The following IMMP2L variants were observed in gnomAD, a reference collection of about 807,000 sequenced individuals.
IMMP2L encodes the protein mitochondrial inner membrane protease subunit 2.
IMMP2L carries 18 observed loss-of-function variants against 19.3 expected under a neutral mutation model. The observed-to-expected ratio is 0.93, with a 90% CI of 0.64 to 1.38. The LOEUF (loss-of-function observed/expected upper bound fraction) is 1.38, where lower values mean the gene tolerates loss of function less well. IMMP2L is among the 40% of genes most tolerant of loss of function. IMMP2L has a pLI of 0.00. For missense variants in IMMP2L, 233 were observed against 218.2 expected, an observed-to-expected ratio of 1.07 and a Z score of -0.43; for synonymous variants, 76 against 73.0, an observed-to-expected ratio of 1.04 and a Z score of -0.21.
intron 3 of IMMP2L, among the ~76,000 whole-genome samples, chr7:111,458,672 C>A (rs1344535731): frequency 6.6e-6 from 1 of 152,116 alleles, no homozygotes; most frequent in African/African-American, 2.4e-5. Context: ...ATCCCACCAG[C>A]ATCCCCCTTT....
At chr7:111,159,767 AG>A (rs1318799708) in intron 3 of IMMP2L, among the ~76,000 whole-genome samples, 4 of 152,078 alleles carry the variant, frequency 2.6e-5, no homozygotes, top group Non-Finnish European at 5.9e-5. Context: ...ACATTTAAAA[AG>A]GAAAAAAAGT....
chr7:110,746,911 A>C (rs1158022299), intron 5 of IMMP2L, among the ~76,000 whole-genome samples: 1 of 152,220 alleles, frequency 6.6e-6, no homozygotes, highest in Non-Finnish European at 1.5e-5. Context: ...TCAGTGCAGA[A>C]CTGAAGGAGA....
chr7:110,759,792 T>C (rs938508697), intron 5 of IMMP2L, among the ~76,000 whole-genome samples: 1 of 152,168 alleles, frequency 6.6e-6, no homozygotes, highest in Non-Finnish European at 1.5e-5. Context: ...ATAGCTTCAA[T>C]AATTTCAAAT....
intron 3 of IMMP2L, among the ~76,000 whole-genome samples, chr7:111,017,367 T>C (rs932897799): frequency 1.5e-4 from 23 of 152,036 alleles, no homozygotes; most frequent in Non-Finnish European, 1.3e-4. Flanking sequence ...CCCAGCCTTG[T>C]TATTTTTAAC....
chr7:110,825,393 A>G (rs905031566), intron 5 of IMMP2L, among the ~76,000 whole-genome samples: 18 of 152,212 alleles, frequency 1.2e-4, no homozygotes, highest in Non-Finnish European at 2.2e-4. Flanking sequence ...ATCCTAAGCC[A>G]AAACAACAGA....
chr7:110,825,265 G>A (rs1803371665), intron 5 of IMMP2L, among the ~76,000 whole-genome samples: 1 of 152,076 alleles, frequency 6.6e-6, no homozygotes, highest in African/African-American at 2.4e-5. Context: ...TACTGCCCAA[G>A]GTAATTTATA....
At chr7:111,371,528 A>G (rs558282550) in intron 3 of IMMP2L, among the ~76,000 whole-genome samples, 1 of 152,146 alleles carries the variant, frequency 6.6e-6, no homozygotes, top group African/African-American at 2.4e-5. Context: ...CATCCATCAA[A>G]AGAGGACTAT....
chr7:110,911,358 C>T (rs565759506), intron 4 of IMMP2L, among the ~76,000 whole-genome samples: 1 of 152,152 alleles, frequency 6.6e-6, no homozygotes, highest in East Asian at 1.9e-4. Context: ...TTAATTTATG[C>T]TAAAATTGCC....
intron 3 of IMMP2L, among the ~76,000 whole-genome samples, chr7:111,376,196 T>A (rs910250528): frequency 3.9e-5 from 6 of 152,004 alleles, no homozygotes; most frequent in African/African-American, 1.2e-4. Context: ...TACAAATATC[T>A]AAACAAATCT....
chr7:110,716,506 T>C (rs891338712), intron 5 of IMMP2L, among the ~76,000 whole-genome samples: 1 of 152,208 alleles, frequency 6.6e-6, no homozygotes, highest in Non-Finnish European at 1.5e-5. Flanking sequence ...TAGTAACTAA[T>C]TCCCTTGCAC....
chr7:111,377,144 A>G (rs992216974), intron 3 of IMMP2L, among the ~76,000 whole-genome samples: 3 of 151,804 alleles, frequency 2.0e-5, no homozygotes, highest in African/African-American at 7.3e-5. Flanking sequence ...TTCTTCTAAT[A>G]TTGGATTTTC....
intron 5 of IMMP2L, among the ~76,000 whole-genome samples, chr7:110,699,485 A>G (rs1479955312): frequency 6.6e-6 from 1 of 152,100 alleles, no homozygotes; most frequent in East Asian, 1.9e-4. Context: ...AGAAATGGTG[A>G]AGGAGGCCAG....
chr7:111,293,952 T>C (rs2129764094), intron 3 of IMMP2L, among the ~76,000 whole-genome samples: 1 of 152,130 alleles, frequency 6.6e-6, no homozygotes, highest in African/African-American at 2.4e-5. Context: ...ATCACTAGCA[T>C]TTATTTTAAT....
chr7:110,715,518 T>C (rs1375881166), intron 5 of IMMP2L, among the ~76,000 whole-genome samples: 3 of 152,186 alleles, frequency 2.0e-5, no homozygotes, highest in Non-Finnish European at 4.4e-5. Context: ...TTAATTTCAT[T>C]CTTTTCCCAA....
At chr7:111,437,050 G>T (rs1425489520) in intron 3 of IMMP2L, among the ~76,000 whole-genome samples, 2 of 151,604 alleles carry the variant, frequency 1.3e-5, no homozygotes, top group African/African-American at 4.9e-5. Flanking sequence ...TCATCATTGG[G>T]GGTTATATTT....
At position 111,357,542 on chromosome 7, in the gene IMMP2L, T is replaced by C. The variant is rs541537210; in HGVS notation, c.239+129696A>G. The stretch of plus-strand genomic sequence containing the variant: ...GCCACATTAAAAACCCTTCAGATGC[T>C]GGTCTGTCCTTTTACAACTTAGAAC... On this transcript the variant is annotated intron_variant, in intron 3 of 5. Transcript: ENST00000405709. Among the ~76,000 whole-genome samples the C allele has an allele frequency of 1.2e-4, 19 of 152,258 alleles. 1 individual carries two copies. In the East Asian group the frequency reaches 3.7e-3, roughly 29 times the overall value.
intron 5 of IMMP2L, among the ~76,000 whole-genome samples, chr7:110,848,281 T>C (rs11505729): frequency 0.053 from 8,128 of 152,112 alleles, 702 homozygotes; most frequent in African/African-American, 0.18. Context: ...AGAAAAAATA[T>C]GGTTGGTAAG....
rs191167134 is a variant in IMMP2L, at chr7:111,482,868, A to C, written c.239+4370T>G. Reference sequence around the variant, plus strand: ...AAAGAGGCTGAGCAGCATTCTGCAAAATAACTGGACAGTACCCTTCAAAAG... The same window carrying C: ...AAAGAGGCTGAGCAGCATTCTGCAACATAACTGGACAGTACCCTTCAAAAG... On this transcript the variant is annotated intron_variant, in intron 3 of 5. Transcript: ENST00000405709. Among the ~76,000 whole-genome samples the C allele has an allele frequency of 4.1e-3, 626 of 152,290 alleles. 4 individuals are homozygous for C. The highest frequency in any genetic ancestry group is 6.6e-3 in the Non-Finnish European group (450 of 68,016).
chr7:110,846,348 C>CTTTTTTTTTTT (rs919194286), intron 5 of IMMP2L, among the ~76,000 whole-genome samples: 4 of 126,436 alleles, frequency 3.2e-5, no homozygotes, highest in African/African-American at 6.0e-5. Flanking sequence ...ACCCTGATTT[C>CTTTTTTTTTTT]TTTTTTTTTT....
Sources: allele counts gnomAD v4.1 joint callset (sites outside exome capture counted in the v4.1 genomes callset), GRCh38; gene constraint gnomAD v4.1.1; transcripts MANE v1.5; gene names NCBI Gene and HGNC (gene_info 2026-07-23, HGNC 2026-07-21).